The following FMN2 variants were observed in gnomAD, a reference collection of about 807,000 sequenced individuals.
FMN2 encodes formin 2.
Under a neutral mutation model 142.3 loss-of-function variants are expected in FMN2, and 51 were observed. That is an observed-to-expected ratio of 0.36 (90% CI 0.29 to 0.45). FMN2 has a LOEUF of 0.45. FMN2 is among the 20% of genes least tolerant of loss of function. The pLI is 1.00. For missense variants in FMN2, 1,936 were observed against 2,122.8 expected (o/e 0.91, Z 1.73); for synonymous variants, 882 against 869.8 (o/e 1.01, Z -0.25).
intron 6 of FMN2, among the ~76,000 whole-genome samples, chr1:240,239,503 G>A (rs1384558614): frequency 6.6e-6 from 1 of 152,180 alleles, no homozygotes; most frequent in Non-Finnish European, 1.5e-5. Context: ...ACTCTAGGAG[G>A]TCTTTGAAGA....
intron 1 of FMN2, among the ~76,000 whole-genome samples, chr1:240,122,440 G>A (rs1173054381): frequency 6.6e-6 from 1 of 151,828 alleles, no homozygotes; most frequent in African/African-American, 2.4e-5. Flanking sequence ...CCGCCACCAC[G>A]CCTGGCTATT....
chr1:240,428,710 C>A (rs1675040337), intron 15 of FMN2, among the ~76,000 whole-genome samples: 1 of 152,202 alleles, frequency 6.6e-6, no homozygotes, highest in African/African-American at 2.4e-5. Context: ...AGCTAGTTAA[C>A]ATATGCATTA....
Position 240,294,673 on chromosome 1 carries a change from G to T in FMN2, c.4154-149G>T, listed in dbSNP as rs7526497. 0.12 allele frequency: 79,607 copies of T among 652,686 alleles called. 5,680 individuals carry two copies. The highest frequency in any genetic ancestry group is 0.2 in the African/African-American group (10,875 of 55,140). The allele number at this position is 652,686 out of a possible 1,614,324, so 40.4% of individuals were successfully genotyped here. On this transcript the variant is annotated intron_variant, in intron 7 of 17. Transcript: ENST00000319653. ...CACCTGGCCCAGCGAAATTCCTGGT[G>T]CAGGCTTTGCAGTGGGGGCAAGGGG...
chr1:240,366,773 A>C (rs930051149), intron 14 of FMN2, among the ~76,000 whole-genome samples: 2 of 149,764 alleles, frequency 1.3e-5, no homozygotes, highest in Non-Finnish European at 3.0e-5. Context: ...CTGGTCTCAA[A>C]CTCCCCACCT....
intron 2 of FMN2, among the ~76,000 whole-genome samples, chr1:240,128,232 A>T (rs1255998008): frequency 2.0e-5 from 3 of 152,206 alleles, no homozygotes; most frequent in African/African-American, 7.2e-5. Flanking sequence ...AACCTACTCT[A>T]GTCATTTCTC....
chr1:240,273,011 G>A (rs1481296163), intron 7 of FMN2, among the ~76,000 whole-genome samples: 5 of 147,666 alleles, frequency 3.4e-5, no homozygotes, highest in Admixed American at 1.3e-4. Context: ...TTCTCCGATA[G>A]ATTATAAAGG....
chr1:240,285,445 C>G (rs773831101), intron 7 of FMN2, among the ~76,000 whole-genome samples: 1 of 151,942 alleles, frequency 6.6e-6, no homozygotes, highest in African/African-American at 2.4e-5. Context: ...AGGTCGGAAG[C>G]TGGAGATGAA....
intron 15 of FMN2, among the ~76,000 whole-genome samples, chr1:240,398,312 C>A (rs1051977241): frequency 1.3e-5 from 2 of 152,168 alleles, no homozygotes; most frequent in African/African-American, 4.8e-5. Context: ...CCGGCGACAT[C>A]TTTTATATTC....
At chr1:240,296,420 G>A (rs1055221606) in intron 8 of FMN2, among the ~76,000 whole-genome samples, 2 of 114,544 alleles carry the variant, frequency 1.7e-5, no homozygotes, top group African/African-American at 3.5e-5. Context: ...CCTATTTTGG[G>A]TCTAATATCT....
At chr1:240,285,413 A>G (rs1669551717) in intron 7 of FMN2, 5 of 406,348 alleles carry the variant, frequency 1.2e-5, no homozygotes, top group Admixed American at 5.3e-5. Context: ...TGTTGGTTCT[A>G]TAAGTGAGGA....
intron 15 of FMN2, among the ~76,000 whole-genome samples, chr1:240,422,584 A>G (rs2103145216): frequency 6.6e-6 from 1 of 152,290 alleles, no homozygotes; most frequent in African/African-American, 2.4e-5. Context: ...TGAGTTTTGT[A>G]TATTGACTTG....
At chr1:240,423,293 G>A (rs1231548600) in intron 15 of FMN2, among the ~76,000 whole-genome samples, 3 of 152,136 alleles carry the variant, frequency 2.0e-5, no homozygotes, top group African/African-American at 7.2e-5. Flanking sequence ...GATGATTTAG[G>A]ATTCCAAAAA....
At chr1:240,392,709 T>C in intron 15 of FMN2, 147 bp downstream of exon 15, 1 of 587,698 alleles carries the variant, frequency 1.7e-6, no homozygotes, top group Non-Finnish European at 2.9e-6. Flanking sequence ...AAATCTACAA[T>C]GAATTTCTGA....
chr1:240,115,528 G>A (rs1050973487), intron 1 of FMN2, among the ~76,000 whole-genome samples: 2 of 152,106 alleles, frequency 1.3e-5, no homozygotes, highest in African/African-American at 2.4e-5. Context: ...TTTCCTTGTC[G>A]GTGCTGATGC....
At chr1:240,335,074 T>C (rs1353976776) in intron 13 of FMN2, among the ~76,000 whole-genome samples, 4 of 152,334 alleles carry the variant, frequency 2.6e-5, no homozygotes, top group East Asian at 3.9e-4. Flanking sequence ...ATCAAATTCA[T>C]AGAGTTGTTA....
chr1:240,378,149 T>A (rs1254349451), intron 14 of FMN2, among the ~76,000 whole-genome samples: 6 of 151,882 alleles, frequency 4.0e-5, no homozygotes, highest in South Asian at 2.1e-4. Flanking sequence ...TTTTTTATTT[T>A]TTATTATTAT....
At chr1:240,470,211 A>C (rs1676762322) in intron 16 of FMN2, among the ~76,000 whole-genome samples, 1 of 143,840 alleles carries the variant, frequency 7.0e-6, no homozygotes, top group South Asian at 2.2e-4. Context: ...AGTGCTGAAA[A>C]AAAAAAAAAA....
At position 240,466,956 on chromosome 1, in the gene FMN2, C is replaced by T. The variant is rs1320806625; in HGVS notation, c.5061-5416C>T. Among the ~76,000 whole-genome samples the T allele has an allele frequency of 4.6e-5, 7 of 152,162 alleles. 1 individual carries two copies. The highest frequency in any genetic ancestry group is 3.9e-4 in the Admixed American group (6 of 15,260). On this transcript the variant is annotated intron_variant, in intron 16 of 17. Coordinates refer to ENST00000319653, the MANE Select transcript of FMN2 (RefSeq NM_020066.5). ...TGTTAGAAACAAACTCGGAGTCCTACTGCTCTCATTAATTAGCTTAGTCAT... is the reference window on the plus strand; with the variant it reads ...TGTTAGAAACAAACTCGGAGTCCTATTGCTCTCATTAATTAGCTTAGTCAT...
chr1:240,298,754 T>C (rs1670081727), intron 8 of FMN2, among the ~76,000 whole-genome samples: 1 of 152,124 alleles, frequency 6.6e-6, no homozygotes, highest in East Asian at 1.9e-4. Context: ...TAATGCCAGG[T>C]CTGTGGAAGA....
Sources: gnomAD v4.1 joint callset for allele counts (sites outside exome capture counted in the v4.1 genomes callset) on GRCh38, gnomAD v4.1.1 for gene constraint, MANE v1.5 for transcripts, NCBI Gene and HGNC (gene_info 2026-07-23, HGNC 2026-07-21) for gene names.